Variants in DOCK10 observed in about 807,000 individuals in gnomAD.
DOCK10 encodes dedicator of cytokinesis 10.
A neutral mutation model predicts 280.1 loss-of-function variants in DOCK10; 145 were observed. The ratio of observed to expected loss-of-function variants is 0.52; its 90% CI spans 0.45 to 0.59. DOCK10 has a LOEUF of 0.59. DOCK10 is among the 20% of genes least tolerant of loss of function. The pLI is 0.00. For synonymous variants in DOCK10, 915 were observed against 942.2 expected, an observed-to-expected ratio of 0.97 and a Z score of 0.53; for missense variants, 2,368 against 2,651.7, an observed-to-expected ratio of 0.89 and a Z score of 2.35.
At chr2:224,833,218 C>T (rs1462647689) in intron 26 of DOCK10, among the ~76,000 whole-genome samples, 1 of 152,276 alleles carries the variant, frequency 6.6e-6, no homozygotes, top group Non-Finnish European at 1.5e-5. Flanking sequence ...CTGTGCAAAA[C>T]CCTCCAACGA....
At chr2:224,981,138 G>A (rs1246519683) in intron 1 of DOCK10, among the ~76,000 whole-genome samples, 7 of 152,080 alleles carry the variant, frequency 4.6e-5, no homozygotes, top group Admixed American at 1.3e-4. Context: ...TTTAATTTGT[G>A]AAAACTTATG....
chr2:224,931,706 A>G (rs373517106), intron 1 of DOCK10, 38 bp from the exon 2 acceptor site: 92 of 1,545,484 alleles, frequency 6.0e-5, no homozygotes, highest in Admixed American at 3.0e-4. Flanking sequence ...TCACTGACAT[A>G]CACCATCTCC....
chr2:224,816,814 A>G, intron 29 of DOCK10, 101 bp from the exon 30 acceptor site: 1 of 686,488 alleles, frequency 1.5e-6, no homozygotes, highest in Non-Finnish European at 2.5e-6. Context: ...CTAAAAAGAA[A>G]AAGTAGTTAC....
At chr2:224,849,330 G>A (rs1466398304) in intron 19 of DOCK10, among the ~76,000 whole-genome samples, 177 bp downstream of exon 19, 3 of 152,156 alleles carry the variant, frequency 2.0e-5, no homozygotes, top group Non-Finnish European at 4.4e-5. Context: ...AATTTGCAAC[G>A]TACTCCTGGA....
At chr2:224,892,885 T>C (rs992122787) in intron 4 of DOCK10, among the ~76,000 whole-genome samples, 1 of 152,234 alleles carries the variant, frequency 6.6e-6, no homozygotes, top group Admixed American at 6.5e-5. Flanking sequence ...CAGTCACATG[T>C]CTGTGGGGCT....
At chr2:224,797,201 T>A (rs903642119) in intron 42 of DOCK10, 55 bp from the exon 43 acceptor site, 2 of 1,311,550 alleles carry the variant, frequency 1.5e-6, no homozygotes, top group Non-Finnish European at 2.0e-6. Flanking sequence ...TTTGCTCTGT[T>A]CATTCTCATA....
intron 1 of DOCK10, among the ~76,000 whole-genome samples, chr2:224,945,690 TATA>T (rs886525470): frequency 1.3e-5 from 2 of 151,996 alleles, no homozygotes; most frequent in African/African-American, 4.8e-5. Context: ...TATATATATA[TATA>T]ATATTTTTGA....
intron 45 of DOCK10, among the ~76,000 whole-genome samples, chr2:224,794,283 A>G (rs1294575781): frequency 1.3e-5 from 2 of 152,252 alleles, no homozygotes; most frequent in East Asian, 3.8e-4. Context: ...AGAATAGCGT[A>G]GAACTTCCCA....
At chr2:225,041,368 C>T (rs1004228674) in intron 1 of DOCK10, among the ~76,000 whole-genome samples, 1 of 152,192 alleles carries the variant, frequency 6.6e-6, no homozygotes, top group Non-Finnish European at 1.5e-5. Flanking sequence ...TGTTCCCACT[C>T]GCTTCCCGTT....
chr2:224,907,288 G>T (rs1700706748), intron 3 of DOCK10, among the ~76,000 whole-genome samples: 1 of 152,094 alleles, frequency 6.6e-6, no homozygotes, highest in African/African-American at 2.4e-5. Flanking sequence ...GCTGTATGAG[G>T]GTAAGTACAT....
chr2:224,853,183 G>A, intron 16 of DOCK10, 61 bp from the exon 17 acceptor site: 2 of 1,381,208 alleles, frequency 1.4e-6, no homozygotes, highest in Non-Finnish European at 1.9e-6. Context: ...GTGAACAATA[G>A]TTAACATGTT....
intron 7 of DOCK10, among the ~76,000 whole-genome samples, chr2:224,881,043 A>T (rs1698946243): frequency 6.6e-6 from 1 of 152,240 alleles, no homozygotes; most frequent in African/African-American, 2.4e-5. Context: ...GCTTTCCCTC[A>T]TTGAACTTAC....
chr2:224,915,321 C>G (rs1372168992), intron 3 of DOCK10, among the ~76,000 whole-genome samples: 1 of 152,184 alleles, frequency 6.6e-6, no homozygotes, highest in African/African-American at 2.4e-5. Flanking sequence ...TATTATCATA[C>G]TGATATCACA....
At chr2:224,831,501 G>A (rs574951598) in intron 26 of DOCK10, among the ~76,000 whole-genome samples, 1 of 151,944 alleles carries the variant, frequency 6.6e-6, no homozygotes, top group Admixed American at 6.5e-5. Flanking sequence ...GCCCCTTGAG[G>A]GGCCTGGTGC....
intron 27 of DOCK10, among the ~76,000 whole-genome samples, chr2:224,828,231 G>A (rs900523179): frequency 3.9e-5 from 6 of 152,216 alleles, no homozygotes; most frequent in Non-Finnish European, 8.8e-5. Context: ...AGGAGGTAGG[G>A]CAGAACCTCT....
At chr2:225,030,586 C>T (rs1051796960) in intron 1 of DOCK10, among the ~76,000 whole-genome samples, 7 of 152,154 alleles carry the variant, frequency 4.6e-5, no homozygotes, top group South Asian at 2.1e-4. Flanking sequence ...TACCCAGGCG[C>T]CCACGAGGAC....
At chr2:224,961,456 TTCTTTCTTTCTTTTTC>T (rs1704427538) in intron 1 of DOCK10, among the ~76,000 whole-genome samples, 1 of 134,292 alleles carries the variant, frequency 7.4e-6, no homozygotes, top group African/African-American at 2.6e-5. Context: ...CTTTCTTTCT[TTCTTTCTTTCTTTTTC>T]TTTCTTTCTT....
At chr2:224,854,854 GCCAACCAACCAACCAA>G (rs72305904) in intron 16 of DOCK10, 93 bp downstream of exon 16, 37 of 631,004 alleles carry the variant, frequency 5.9e-5, no homozygotes, top group Non-Finnish European at 7.4e-5. Flanking sequence ...CAACCAACTA[GCCAACCAACCAACCAA>G]CCAACCAACC....
At chr2:225,017,429 T>TGATA (rs375775002) in intron 1 of DOCK10, among the ~76,000 whole-genome samples, 1 of 147,166 alleles carries the variant, frequency 6.8e-6, no homozygotes, top group Non-Finnish European at 1.5e-5. Context: ...AGACAGAGAT[T>TGATA]GAGAGAGAGA....
Sources: gnomAD v4.1 joint callset for allele counts (sites outside exome capture counted in the v4.1 genomes callset) on GRCh38, gnomAD v4.1.1 for gene constraint, MANE v1.5 for transcripts, NCBI Gene and HGNC (gene_info 2026-07-23, HGNC 2026-07-21) for gene names.